Variants in FAM169A observed in about 807,000 individuals in gnomAD.
FAM169A encodes family with sequence similarity 169 member A.
FAM169A carries 24 observed loss-of-function variants against 75.7 expected under a neutral mutation model. The ratio of observed to expected loss-of-function variants is 0.32; its 90% CI spans 0.23 to 0.45. The LOEUF is 0.45. Ranked by LOEUF, FAM169A falls within the 20% of genes least tolerant of loss-of-function variation. FAM169A has a pLI of 1.00. For synonymous variants in FAM169A, 271 were observed against 271.0 expected, an observed-to-expected ratio of 1.00 and a Z score of 0.00; for missense variants, 673 against 784.0, an observed-to-expected ratio of 0.86 and a Z score of 1.69.
At chr5:74,801,171 T>C in intron 9 of FAM169A, 141 bp from the exon 10 acceptor site, 1 of 547,404 alleles carries the variant, frequency 1.8e-6, no homozygotes. Flanking sequence ...CTCACTTATG[T>C]CAGGCTAAGA....
upstream of FAM169A, chr5:74,866,609 G>C (rs1039129479): frequency 4.5e-6 from 3 of 665,524 alleles, no homozygotes; most frequent in Non-Finnish European, 5.6e-6. Context: ...TCTCCGCCCC[G>C]GCCGCCGTCA....
intron 1 of FAM169A, among the ~76,000 whole-genome samples, chr5:74,857,089 A>G (rs1205586262): frequency 7.0e-6 from 1 of 143,110 alleles, no homozygotes; most frequent in Non-Finnish European, 1.5e-5. Flanking sequence ...AGCCTGGGCC[A>G]CAGAGTGAGA....
chr5:74,806,777 T>G (rs1352690869), intron 6 of FAM169A, among the ~76,000 whole-genome samples: 2 of 152,040 alleles, frequency 1.3e-5, no homozygotes, highest in African/African-American at 4.8e-5. Context: ...CAATTAGTAC[T>G]CAGAATATAT....
chr5:74,819,823 A>T (rs1747679657), intron 5 of FAM169A, among the ~76,000 whole-genome samples: 1 of 152,168 alleles, frequency 6.6e-6, no homozygotes, highest in Non-Finnish European at 1.5e-5. Flanking sequence ...TATTATTCAT[A>T]TAAAATAGAT....
intron 11 of FAM169A, among the ~76,000 whole-genome samples, chr5:74,787,317 G>C (rs544244503): frequency 6.6e-6 from 1 of 152,258 alleles, no homozygotes; most frequent in Non-Finnish European, 1.5e-5. Context: ...TTGATTGCTT[G>C]GTTAGCTGAA....
intron 5 of FAM169A, among the ~76,000 whole-genome samples, chr5:74,831,415 C>T (rs1229341081): frequency 6.6e-6 from 1 of 152,250 alleles, no homozygotes; most frequent in Admixed American, 6.5e-5. Flanking sequence ...AACTCAAACT[C>T]ATCAGCAGTC....
intron 1 of FAM169A, among the ~76,000 whole-genome samples, chr5:74,858,080 A>T (rs1344490849): frequency 6.6e-6 from 1 of 151,978 alleles, no homozygotes; most frequent in African/African-American, 2.4e-5. Flanking sequence ...TTCATGGAAT[A>T]CTACAGTCAA....
chr5:74,813,679 G>T (rs1203282326), intron 6 of FAM169A, among the ~76,000 whole-genome samples, 161 bp downstream of exon 6: 2 of 151,954 alleles, frequency 1.3e-5, no homozygotes, highest in Non-Finnish European at 2.9e-5. Context: ...CAAACCCCGA[G>T]AAAACAAATA....
chr5:74,789,998 A>C (rs1745892546), intron 11 of FAM169A, among the ~76,000 whole-genome samples: 1 of 152,188 alleles, frequency 6.6e-6, no homozygotes, highest in South Asian at 2.1e-4. Context: ...ATCTAGTCAT[A>C]AAGTGGGTCA....
upstream of FAM169A, chr5:74,866,867 C>G (rs971197814): frequency 1.0e-6 from 1 of 985,410 alleles, no homozygotes; most frequent in African/African-American, 1.7e-5. Flanking sequence ...GTGCAGAGGG[C>G]ACGGGCGAGG....
chr5:74,833,913 T>C (rs1274614189), intron 5 of FAM169A, among the ~76,000 whole-genome samples: 1 of 152,216 alleles, frequency 6.6e-6, no homozygotes, highest in Non-Finnish European at 1.5e-5. Flanking sequence ...ACCCAAACTT[T>C]AGACTAACAA....
intron 9 of FAM169A, among the ~76,000 whole-genome samples, chr5:74,801,323 A>G (rs950981398): frequency 3.3e-5 from 5 of 152,188 alleles, no homozygotes; most frequent in African/African-American, 1.2e-4. Flanking sequence ...CCTCCCAATA[A>G]TCTTGGAAAA....
intron 10 of FAM169A, among the ~76,000 whole-genome samples, chr5:74,800,661 A>C (rs1288418935): frequency 1.3e-5 from 2 of 151,910 alleles, no homozygotes; most frequent in African/African-American, 4.8e-5. Context: ...AAACTCCTAC[A>C]CCAAAGTCAT....
intron 1 of FAM169A, among the ~76,000 whole-genome samples, chr5:74,865,057 A>G (rs1399149840): frequency 2.0e-5 from 3 of 152,234 alleles, no homozygotes; most frequent in African/African-American, 7.2e-5. Context: ...CCAGGGCCCA[A>G]ATGTGTGCAT....
At chr5:74,825,556 T>C (rs1425363495) in intron 5 of FAM169A, among the ~76,000 whole-genome samples, 1 of 152,156 alleles carries the variant, frequency 6.6e-6, no homozygotes, top group Non-Finnish European at 1.5e-5. Context: ...CTTGATTTTC[T>C]TTATCTTAGG....
Position 74,777,900 on chromosome 5 carries a change from C to T in FAM169A, c.*3560G>A, listed in dbSNP as rs928450756. 3 of 151,970 alleles carry T rather than the reference C, an allele frequency of 2.0e-5. No homozygotes were observed. The highest frequency in any genetic ancestry group is 4.8e-5 in the African/African-American group (2 of 41,428). 9.4% of individuals were successfully genotyped at this position (151,970 alleles called of 1,614,324 possible). A position where few individuals can be genotyped will look rare whatever the true frequency, so the allele number is the denominator to read the frequency against. ...TATACTGGAAGTTTTAGAACACATA[C>T]AGACGCTTAGGAAAAGAAAGGCTAG... On this transcript the variant is annotated 3_prime_UTR_variant, in exon 13 of 13. Coordinates refer to ENST00000687041, the MANE Select transcript of FAM169A (RefSeq NM_001376049.1).
rs1038556966 is a variant in FAM169A at position 74,781,593 on chromosome 5, T to A, written c.1880A>T (p.Gln627Leu). The change falls in exon 13 of 13, where the codon CAA becomes CTA. Residue 627 changes from glutamine to leucine, a missense_variant. Transcript: ENST00000687041. Reference protein sequence around the residue: ...ASSEQLDQFTQSAEKAVDSSS... With the variant: ...ASSEQLDQFTLSAEKAVDSSS... The stretch of plus-strand genomic sequence containing the variant: ...GCTATCCACAGCTTTTTCTGCCGAT[T>A]GTGTAAACTGATCCAGTTGCTCGGA... 6.2e-7 allele frequency: 1 copy of A among 1,614,084 alleles called. No homozygotes were observed. The highest frequency in any genetic ancestry group is 1.7e-5 in the Admixed American group (1 of 60,012).
intron 8 of FAM169A, among the ~76,000 whole-genome samples, chr5:74,803,120 A>G (rs1358866279): frequency 6.6e-6 from 1 of 152,170 alleles, no homozygotes; most frequent in Non-Finnish European, 1.5e-5. Flanking sequence ...TCTAAAATCT[A>G]ATTTATGCTG....
At position 74,800,979 on chromosome 5, in the gene FAM169A, C is replaced by G; in HGVS notation, c.1004G>C (p.Arg335Pro). 2 of 1,563,788 alleles carry G rather than the reference C, an allele frequency of 1.3e-6. No individual in the cohort carries two copies. Among genetic ancestry groups the G allele is most frequent in the East Asian group, 4.9e-5 (2 of 40,964 alleles). The change falls in exon 10 of 13, where the codon CGG becomes CCG. Residue 335 changes from arginine to proline, a missense_variant. This residue lies in a region of FAM169A where 510 missense variants were observed against 550.9 expected (regional missense o/e 0.93). Coordinates refer to ENST00000687041, the MANE Select transcript of FAM169A (RefSeq NM_001376049.1). ...STHTRSGNLK[R>P]PKIGKRFQDS... ...CTGAAACCGCTTTCCAATCTTTGGC[C>G]GCTTTAGATTACCACTTCGAGTATG...
Sources: allele counts gnomAD v4.1 joint callset (sites outside exome capture counted in the v4.1 genomes callset), GRCh38; gene constraint gnomAD v4.1.1; regional missense constraint gnomAD v4.1.1; transcripts MANE v1.5; gene names NCBI Gene and HGNC (gene_info 2026-07-23, HGNC 2026-07-21).